Variants in RARS2 observed in about 807,000 individuals in gnomAD.
RARS2 encodes the protein probable arginine--tRNA ligase, mitochondrial.
Under a neutral mutation model 88.5 loss-of-function variants are expected in RARS2, and 67 were observed. That is an observed-to-expected ratio of 0.76 (90% CI 0.62 to 0.93). The LOEUF is 0.93. RARS2 is among the 40% of genes least tolerant of loss of function. The pLI, the probability that RARS2 is intolerant of heterozygous loss-of-function variation, is 0.00. For missense variants in RARS2, 664 were observed against 684.2 expected, an observed-to-expected ratio of 0.97 and a Z score of 0.33; for synonymous variants, 239 against 230.3, an observed-to-expected ratio of 1.04 and a Z score of -0.34.
At chr6:87,531,084 C>CT (rs1035869638) in intron 8 of RARS2, 142 bp from the exon 9 acceptor site, 1 of 1,345,960 alleles carries the variant, frequency 7.4e-7, no homozygotes, top group Admixed American at 2.2e-5. Context: ...GTAACTTTTT[C>CT]TTTTTTGCCA....
intron 2 of RARS2, among the ~76,000 whole-genome samples, chr6:87,567,145 G>C (rs1434058840): frequency 6.6e-6 from 1 of 152,182 alleles, no homozygotes; most frequent in Non-Finnish European, 1.5e-5. Context: ...CCAGCTACTG[G>C]GGAGGCTGAG....
chr6:87,529,648 G>A lies in RARS2; in HGVS notation c.772C>T (p.Arg258Cys), dbSNP rs863224186. ...SIEEYIRVYK[R>C]LGVYFDEYSG... The stretch of plus-strand genomic sequence containing the variant: ...TATTCATCAAAATATACTCCCAGAC[G>A]CTAAAAGAGTTCAGAAACAAAAAGA... The change falls in exon 10 of 20, where the codon CGT becomes TGT. Residue 258 changes from arginine to cysteine, a missense_variant and splice_region_variant. Physicochemically the swap from Arg to Cys is radical, Grantham distance 180 (BLOSUM62 -3). Transcript: ENST00000369536. 3 of 1,585,222 alleles carry A rather than the reference G, an allele frequency of 1.9e-6. No individual in the cohort carries two copies. The highest frequency in any genetic ancestry group is 2.6e-6 in the Non-Finnish European group (3 of 1,153,956).
intron 1 of RARS2, among the ~76,000 whole-genome samples, chr6:87,575,574 G>C (rs1771231909): frequency 6.6e-6 from 1 of 152,120 alleles, no homozygotes; most frequent in Non-Finnish European, 1.5e-5. Flanking sequence ...TTAGCAATAA[G>C]TGAATGGAAG....
At chr6:87,588,719 C>T (rs1775964605) in intron 1 of RARS2, among the ~76,000 whole-genome samples, 2 of 152,176 alleles carry the variant, frequency 1.3e-5, no homozygotes, top group African/African-American at 2.4e-5. Flanking sequence ...TGCCTTAAGG[C>T]TTCTTGCACT....
chr6:87,554,338 C>T (rs897719639), intron 5 of RARS2, among the ~76,000 whole-genome samples: 7 of 151,986 alleles, frequency 4.6e-5, no homozygotes, highest in East Asian at 1.9e-4. Context: ...ACTGACAGCA[C>T]GTTAGAAAGT....
chr6:87,567,080 C>T (rs529277477), intron 2 of RARS2, among the ~76,000 whole-genome samples: 59 of 151,802 alleles, frequency 3.9e-4, no homozygotes, highest in Middle Eastern at 3.4e-3. Context: ...GGTGAAACCC[C>T]GTCTCTACTA....
intron 1 of RARS2, chr6:87,584,794 T>C (rs1343119886): frequency 6.7e-6 from 3 of 448,750 alleles, no homozygotes; most frequent in South Asian, 4.8e-5. Context: ...TGAATCCTTG[T>C]GCAGTTATCT....
intron 1 of RARS2, among the ~76,000 whole-genome samples, chr6:87,582,898 T>A (rs1479009064): frequency 2.0e-5 from 3 of 152,168 alleles, no homozygotes; most frequent in African/African-American, 7.2e-5. Context: ...TGTAAGTTAA[T>A]AACGAGAGCG....
At chr6:87,589,041 C>A (rs924093208) in intron 1 of RARS2, among the ~76,000 whole-genome samples, 2 of 152,182 alleles carry the variant, frequency 1.3e-5, no homozygotes, top group Admixed American at 6.5e-5. Context: ...GATTTCCCCA[C>A]AAATGTCTAG....
chr6:87,534,830 G>A (rs556573657), intron 8 of RARS2, among the ~76,000 whole-genome samples: 1 of 152,376 alleles, frequency 6.6e-6, no homozygotes, highest in Non-Finnish European at 1.5e-5. Flanking sequence ...GGTTCACGGT[G>A]TGTCTACATA....
chr6:87,530,317 A>T (rs1029147515), intron 9 of RARS2, among the ~76,000 whole-genome samples: 8 of 152,208 alleles, frequency 5.3e-5, no homozygotes, highest in African/African-American at 1.9e-4. Flanking sequence ...CCCAGCTAGC[A>T]TCTAGAACCA....
intron 8 of RARS2, among the ~76,000 whole-genome samples, chr6:87,535,713 G>A (rs1334390814): frequency 7.5e-6 from 1 of 132,488 alleles, no homozygotes; most frequent in Non-Finnish European, 1.5e-5. Flanking sequence ...GTCTCGCTCT[G>A]TTGCCCAGGC....
chr6:87,556,857 G>A (rs35303040), intron 4 of RARS2, among the ~76,000 whole-genome samples: 4,766 of 144,236 alleles, frequency 0.033, 103 homozygotes, highest in Middle Eastern at 0.059. Context: ...TCACTCTGTC[G>A]CCCAGGCTGG....
In RARS2 at chr6:87,521,470, T is replaced by A; in HGVS notation, c.1029A>T (p.Ile343=). The change falls in exon 12 of 20, where the codon ATA becomes ATT. Residue 343 remains isoleucine, a synonymous_variant. Transcript: ENST00000369536. The part of the protein sequence containing the change: ...RMDKYNFDTM[I]YVTDKGQKKH... ...TTTTGTTCTGATTACTTACCACATA[T>A]ATCATTGTATCAAAATTATACTTGT... 1 of 1,602,598 alleles carries A rather than the reference T, an allele frequency of 6.2e-7. No homozygotes were observed. Among genetic ancestry groups the A allele is most frequent in the Non-Finnish European group, 8.5e-7 (1 of 1,169,890 alleles).
chr6:87,535,316 T>C (rs1019892232), intron 8 of RARS2, among the ~76,000 whole-genome samples: 1 of 152,194 alleles, frequency 6.6e-6, no homozygotes, highest in African/African-American at 2.4e-5. Context: ...AGTTGAGAAA[T>C]TGGAGACTCT....
At chr6:87,520,306 AT>A in intron 12 of RARS2, 50 bp from the exon 13 acceptor site, 1 of 1,384,878 alleles carries the variant, frequency 7.2e-7, no homozygotes, top group African/African-American at 1.4e-5. Flanking sequence ...AAATTAATGT[AT>A]AAAAATAGGT....
intron 1 of RARS2, among the ~76,000 whole-genome samples, chr6:87,580,340 A>G (rs1430486548): frequency 6.6e-6 from 1 of 152,184 alleles, no homozygotes; most frequent in Non-Finnish European, 1.5e-5. Context: ...AAAAGGTTAC[A>G]CAATGCGAAC....
intron 5 of RARS2, among the ~76,000 whole-genome samples, chr6:87,551,626 C>CAAAAAAAAAAA (rs71018036): frequency 1.8e-4 from 12 of 65,138 alleles, no homozygotes; most frequent in South Asian, 7.3e-4. Flanking sequence ...TCCGTCTCAA[C>CAAAAAAAAAAA]AAAAAAAAAA....
chr6:87,576,003 T>C (rs1049069882), intron 1 of RARS2, among the ~76,000 whole-genome samples: 3 of 151,674 alleles, frequency 2.0e-5, no homozygotes, highest in Non-Finnish European at 4.4e-5. Context: ...TTTCACCATG[T>C]TGGCCAGACT....
Sources: allele counts gnomAD v4.1 joint callset (sites outside exome capture counted in the v4.1 genomes callset), GRCh38; gene constraint gnomAD v4.1.1; transcripts MANE v1.5; gene names NCBI Gene and HGNC (gene_info 2026-07-23, HGNC 2026-07-21).